The following DOCK3 variants were observed in gnomAD, a reference collection of about 807,000 sequenced individuals.
DOCK3 encodes dedicator of cytokinesis 3.
DOCK3 carries 60 observed loss-of-function variants against 265.6 expected under a neutral mutation model. The observed-to-expected ratio is 0.23, with a 90% CI of 0.18 to 0.28. DOCK3 has a LOEUF of 0.28. Among genes scored for constraint, DOCK3 ranks in the 10% least tolerant of loss-of-function variants. The pLI, the probability that DOCK3 is intolerant of heterozygous loss-of-function variation, is 1.00. For synonymous variants in DOCK3, 881 were observed against 938.0 expected, an observed-to-expected ratio of 0.94 and a Z score of 1.11; for missense variants, 1,981 against 2,594.3, an observed-to-expected ratio of 0.76 and a Z score of 5.14.
At position 51,227,384 on chromosome 3, in the gene DOCK3, G is replaced by A. The variant is rs1167824938; in HGVS notation, c.1479G>A (p.Leu493=). ...CTCGCTGGGGAGAAATTATCAAATTGCCTATCCCCATTGACCGGTTCCGGG... is the reference window on the plus strand; with the variant it reads ...CTCGCTGGGGAGAAATTATCAAATTACCTATCCCCATTGACCGGTTCCGGG... The part of the protein sequence containing the change: ...NSPRWGEIIK[L]PIPIDRFRGS... The change falls in exon 16 of 53, where the codon TTG becomes TTA. Residue 493 remains leucine, a synonymous_variant. Transcript: ENST00000266037. 1.9e-6 allele frequency: 3 copies of A among 1,613,916 alleles called. No homozygotes were observed. Among genetic ancestry groups the A allele is most frequent in the East Asian group, 2.2e-5 (1 of 44,884 alleles).
intron 9 of DOCK3, among the ~76,000 whole-genome samples, chr3:51,138,395 GA>G (rs966428542): frequency 1.1e-4 from 17 of 152,024 alleles, no homozygotes; most frequent in African/African-American, 3.6e-4. Flanking sequence ...CCTCTGAAGT[GA>G]AAAAAACAGT....
At chr3:51,006,059 GC>G (rs1390046666) in intron 5 of DOCK3, among the ~76,000 whole-genome samples, 1 of 152,016 alleles carries the variant, frequency 6.6e-6, no homozygotes, top group Non-Finnish European at 1.5e-5. Flanking sequence ...GTATGTCAGT[GC>G]CAAGCAAGCA....
chr3:51,285,135 G>A (rs1328920650), intron 27 of DOCK3, among the ~76,000 whole-genome samples: 1 of 152,146 alleles, frequency 6.6e-6, no homozygotes, highest in Non-Finnish European at 1.5e-5. Context: ...ACCCAAAACA[G>A]AGACAGCAGT....
chr3:51,264,413 G>T (rs968325441), intron 23 of DOCK3, among the ~76,000 whole-genome samples: 1 of 152,202 alleles, frequency 6.6e-6, no homozygotes, highest in Non-Finnish European at 1.5e-5. Context: ...TGTTTAGAGA[G>T]AAATTTATAG....
intron 5 of DOCK3, among the ~76,000 whole-genome samples, chr3:50,944,258 T>G (rs948999066): frequency 1.3e-5 from 2 of 152,194 alleles, no homozygotes; most frequent in African/African-American, 2.4e-5. Flanking sequence ...CCAGTAATCT[T>G]GTTTTGATGA....
chr3:50,860,909 C>G (rs1055297281), intron 3 of DOCK3, among the ~76,000 whole-genome samples: 11 of 152,322 alleles, frequency 7.2e-5, no homozygotes, highest in African/African-American at 2.6e-4. Flanking sequence ...ATACAGCAGT[C>G]TAACCTTCCA....
intron 12 of DOCK3, among the ~76,000 whole-genome samples, chr3:51,183,803 T>A (rs1358024822): frequency 1.3e-5 from 2 of 152,148 alleles, no homozygotes; most frequent in East Asian, 3.9e-4. Context: ...AGCAGTGGGG[T>A]AGGGTTGGAG....
intron 6 of DOCK3, among the ~76,000 whole-genome samples, chr3:51,070,167 C>T (rs1043716236): frequency 1.3e-5 from 2 of 152,150 alleles, no homozygotes; most frequent in African/African-American, 4.8e-5. Context: ...ACTATGTGAA[C>T]GTATTTGAGT....
intron 5 of DOCK3, among the ~76,000 whole-genome samples, chr3:51,029,449 T>A (rs1249825989): frequency 1.3e-5 from 2 of 152,156 alleles, no homozygotes; most frequent in Non-Finnish European, 2.9e-5. Context: ...AATCATTCTT[T>A]TTCAGTGCAC....
chr3:50,741,516 T>C (rs2039026232), intron 1 of DOCK3, among the ~76,000 whole-genome samples: 1 of 148,056 alleles, frequency 6.8e-6, no homozygotes, highest in African/African-American at 2.5e-5. Flanking sequence ...TGAGTGAGAA[T>C]ATGCAGTGTT....
chr3:51,370,803 A>G (rs968514082), intron 49 of DOCK3, among the ~76,000 whole-genome samples: 4 of 152,254 alleles, frequency 2.6e-5, no homozygotes, highest in East Asian at 1.9e-4. Flanking sequence ...TCACTGAGCA[A>G]TTCTCACTTG....
At chr3:51,073,807 A>C (rs2109359996) in intron 6 of DOCK3, among the ~76,000 whole-genome samples, 1 of 152,292 alleles carries the variant, frequency 6.6e-6, no homozygotes, top group African/African-American at 2.4e-5. Context: ...GTATACATAT[A>C]AATTTTAATT....
At chr3:51,095,851 CAAAAAAAAAAAAA>C (rs71278627) in intron 9 of DOCK3, among the ~76,000 whole-genome samples, 2 of 9,800 alleles carry the variant, frequency 2.0e-4, no homozygotes, top group South Asian at 9.6e-3. Flanking sequence ...ATAAGGTTAG[CAAAAAAAAAAAAA>C]AAAAAAAAAA....
At chr3:51,312,276 A>G (rs1397959323) in intron 29 of DOCK3, among the ~76,000 whole-genome samples, 197 bp downstream of exon 29, 1 of 152,234 alleles carries the variant, frequency 6.6e-6, no homozygotes, top group Non-Finnish European at 1.5e-5. Context: ...TTTCTAGTCC[A>G]GAATCAACAC....
intron 9 of DOCK3, among the ~76,000 whole-genome samples, chr3:51,124,267 CAG>C (rs2084164196): frequency 6.6e-6 from 1 of 152,166 alleles, no homozygotes; most frequent in African/African-American, 2.4e-5. Flanking sequence ...TCCTTTGTCT[CAG>C]TGACCCCTCA....
chr3:51,293,808 A>T (rs2081922789), intron 27 of DOCK3, among the ~76,000 whole-genome samples: 2 of 152,248 alleles, frequency 1.3e-5, no homozygotes. Context: ...AAAGGACTTG[A>T]GTAGACATTT....
chr3:51,013,440 G>T (rs1037246220), intron 5 of DOCK3, among the ~76,000 whole-genome samples: 25 of 152,266 alleles, frequency 1.6e-4, no homozygotes, highest in African/African-American at 5.1e-4. Context: ...TTTTTTGGAG[G>T]TCCACTCCAG....
In DOCK3 at chr3:50,992,471, A is replaced by G. The variant is rs552301662; in HGVS notation, c.315+58394A>G. 1.3e-4 allele frequency among the ~76,000 whole-genome samples: 20 copies of G among 152,170 alleles called. 1 individual carries two copies. In the South Asian group the frequency reaches 3.9e-3, roughly 30 times the overall value. The stretch of plus-strand genomic sequence containing the variant: ...TGCCACCATGTCTGGCTAATTTTTT[A>G]TTAGTAGTAGAGACAGGGTTTCACC... On this transcript the variant is annotated intron_variant, in intron 5 of 52. Transcript: ENST00000266037.
At chr3:50,932,209 G>A (rs2051104473) in intron 4 of DOCK3, among the ~76,000 whole-genome samples, 1 of 152,020 alleles carries the variant, frequency 6.6e-6, no homozygotes, top group Non-Finnish European at 1.5e-5. Context: ...AATCTGCTGT[G>A]GTAAGTCACA....
Sources: gnomAD v4.1 joint callset for allele counts (sites outside exome capture counted in the v4.1 genomes callset) on GRCh38, gnomAD v4.1.1 for gene constraint, MANE v1.5 for transcripts, NCBI Gene and HGNC (gene_info 2026-07-23, HGNC 2026-07-21) for gene names.